The following FSAF1 variants were observed in gnomAD, a reference collection of about 807,000 sequenced individuals.
FSAF1 encodes the protein uncharacterized protein C1orf131.
At chr1:231,224,793 T>G in the FSAF1 span, 1 of 198,732 alleles carries the variant, frequency 5.0e-6, no homozygotes, top group East Asian at 1.3e-4. Flanking sequence ...ATCATCTTAC[T>G]TATCCATTTG....
At chr1:231,228,600 A>G in the FSAF1 span, among the ~76,000 whole-genome samples, 3 of 148,064 alleles carry the variant, frequency 2.0e-5, no homozygotes, top group Non-Finnish European at 4.5e-5. Context: ...CTCTGCCTCA[A>G]AAAAAAAAAA....
At chr1:231,224,686 C>CG in the FSAF1 span, 1 of 396,744 alleles carries the variant, frequency 2.5e-6, no homozygotes, top group South Asian at 6.3e-5. Flanking sequence ...GCTCCGATGT[C>CG]ACCTCCTCAG....
At chr1:231,229,295 C>T in the FSAF1 span, 14 of 923,196 alleles carry the variant, frequency 1.5e-5, no homozygotes, top group South Asian at 2.1e-4. Context: ...TTTTAAGGAA[C>T]CTGAAAGTGA....
the FSAF1 span, chr1:231,239,034 G>A: frequency 3.1e-6 from 5 of 1,614,054 alleles, no homozygotes; most frequent in Non-Finnish European, 4.2e-6. Flanking sequence ...TAAGTTCCTT[G>A]AAGAAGCTCG....
chr1:231,227,155 T>G, the FSAF1 span: 6 of 1,345,564 alleles, frequency 4.5e-6, no homozygotes, highest in Non-Finnish European at 6.4e-6. Flanking sequence ...GCATTTCAGA[T>G]CCACCGCTCT....
chr1:231,231,574 G>C, the FSAF1 span, among the ~76,000 whole-genome samples: 5 of 152,126 alleles, frequency 3.3e-5, no homozygotes, highest in African/African-American at 1.2e-4. Flanking sequence ...AGGCACGTCA[G>C]ATTTCTAGCA....
the FSAF1 span, chr1:231,223,989 C>T: frequency 3.5e-6 from 1 of 288,718 alleles, no homozygotes; most frequent in East Asian, 6.1e-5. Context: ...CAAGCAAATG[C>T]ACCAAATACC....
At chr1:231,240,489 C>T in the FSAF1 span, among the ~76,000 whole-genome samples, 1 of 151,920 alleles carries the variant, frequency 6.6e-6, no homozygotes, top group Non-Finnish European at 1.5e-5. The surrounding 1 kb of genome is among the most constrained non-coding windows in gnomAD (Gnocchi z 4.1). Flanking sequence ...TTTCCTTTTC[C>T]CCCATCAAGA....
chr1:231,235,888 C>T, the FSAF1 span, among the ~76,000 whole-genome samples: 1 of 152,212 alleles, frequency 6.6e-6, no homozygotes, highest in Non-Finnish European at 1.5e-5. Flanking sequence ...GCAGCTTAAT[C>T]ATAGAATTTA....
the FSAF1 span, chr1:231,241,173 C>A: frequency 4.4e-6 from 7 of 1,586,368 alleles, no homozygotes; most frequent in South Asian, 5.6e-5. Flanking sequence ...TTCCGGGTTC[C>A]GCGACTGCGC....
At chr1:231,239,340 G>T in the FSAF1 span, 1 of 674,072 alleles carries the variant, frequency 1.5e-6, no homozygotes, top group Non-Finnish European at 2.3e-6. Context: ...TTTCAAATAA[G>T]TGTATTTGCA....
At chr1:231,239,244 G>A in the FSAF1 span, 1 of 1,418,560 alleles carries the variant, frequency 7.0e-7, no homozygotes, top group South Asian at 1.4e-5. Flanking sequence ...GCTATCATCA[G>A]TATCAAATCC....
chr1:231,227,268 G>GT, the FSAF1 span, among the ~76,000 whole-genome samples: 2 of 151,758 alleles, frequency 1.3e-5, no homozygotes, highest in East Asian at 1.9e-4. Context: ...TCTTTCTCCT[G>GT]TTTTTTTTCC....
the FSAF1 span, chr1:231,237,764 T>G: frequency 6.6e-6 from 1 of 152,200 alleles, no homozygotes; most frequent in South Asian, 2.1e-4. Context: ...GCTTAGAAAC[T>G]AATACGTTCA....
At chr1:231,233,156 A>AATTTGGGGTTCC in the FSAF1 span, among the ~76,000 whole-genome samples, 1 of 152,216 alleles carries the variant, frequency 6.6e-6, no homozygotes, top group Non-Finnish European at 1.5e-5. Context: ...AATTTGGGGA[A>AATTTGGGGTTCC]CGATCAAAGC....
At chr1:231,227,589 T>G in the FSAF1 span, among the ~76,000 whole-genome samples, 3 of 141,226 alleles carry the variant, frequency 2.1e-5, no homozygotes, top group African/African-American at 8.0e-5. Flanking sequence ...CCCACGGTTT[T>G]TTTTTTTTTT....
chr1:231,231,793 C>T, the FSAF1 span, among the ~76,000 whole-genome samples: 1 of 152,248 alleles, frequency 6.6e-6, no homozygotes, highest in East Asian at 1.9e-4. Flanking sequence ...TCCTGCTGTC[C>T]CCATCAGCAG....
At chr1:231,238,990 G>A in the FSAF1 span, 1 of 1,614,014 alleles carries the variant, frequency 6.2e-7, no homozygotes, top group Non-Finnish European at 8.5e-7. Flanking sequence ...TGGTCCTGTG[G>A]GGGTCCCAGA....
chr1:231,235,795 CCT>C, the FSAF1 span, among the ~76,000 whole-genome samples: 9 of 152,194 alleles, frequency 5.9e-5, no homozygotes, highest in East Asian at 1.5e-3. Context: ...AGAGTGACAC[CCT>C]GTCTCTAAAC....
Sources: allele counts gnomAD v4.1 joint callset (sites outside exome capture counted in the v4.1 genomes callset), GRCh38; gene constraint gnomAD v4.1.1; non-coding constraint Gnocchi (gnomAD v3.1); transcripts MANE v1.5; gene names NCBI Gene and HGNC (gene_info 2026-07-23, HGNC 2026-07-21).